Variants in SEMA6D observed in about 807,000 individuals in gnomAD.
SEMA6D encodes semaphorin 6D.
SEMA6D carries 35 observed loss-of-function variants against 106.6 expected under a neutral mutation model. The observed-to-expected ratio is 0.33, with a 90% confidence interval of 0.25 to 0.44. The LOEUF is 0.44. Ranked by LOEUF, SEMA6D falls within the 20% of genes least tolerant of loss-of-function variation. The pLI is 1.00. For missense variants in SEMA6D, 1,185 were observed against 1,345.9 expected (o/e 0.88, Z 1.87); for synonymous variants, 499 against 487.7 (o/e 1.02, Z -0.31).
intron 4 of SEMA6D, among the ~76,000 whole-genome samples, chr15:47,668,136 A>G (rs2078064725): frequency 1.3e-5 from 2 of 152,298 alleles, no homozygotes; most frequent in Non-Finnish European, 2.9e-5. Flanking sequence ...CTTTATCTCT[A>G]AGATTACTTA....
intron 4 of SEMA6D, among the ~76,000 whole-genome samples, chr15:47,645,012 A>G (rs968591527): frequency 6.6e-6 from 1 of 152,212 alleles, no homozygotes; most frequent in African/African-American, 2.4e-5. Context: ...AAGGGCACAC[A>G]CATCTGTTTC....
chr15:47,433,199 T>TC (rs1333320393), intron 2 of SEMA6D, among the ~76,000 whole-genome samples: 1 of 152,094 alleles, frequency 6.6e-6, no homozygotes, highest in Non-Finnish European at 1.5e-5. Flanking sequence ...ATGTTGTTAA[T>TC]TTCTGTTGCT....
At chr15:47,268,383 G>T (rs1453158358) in intron 1 of SEMA6D, among the ~76,000 whole-genome samples, 1 of 151,916 alleles carries the variant, frequency 6.6e-6, no homozygotes, top group Non-Finnish European at 1.5e-5. Flanking sequence ...TTTGTCATCT[G>T]TCCCTTCCAT....
At chr15:47,559,361 A>C (rs1038265024) in intron 3 of SEMA6D, among the ~76,000 whole-genome samples, 1 of 152,116 alleles carries the variant, frequency 6.6e-6, no homozygotes, top group African/African-American at 2.4e-5. Context: ...CAAATTAAGA[A>C]GCATTTATTC....
At chr15:47,278,485 T>C (rs2142430346) in intron 1 of SEMA6D, among the ~76,000 whole-genome samples, 1 of 152,282 alleles carries the variant, frequency 6.6e-6, no homozygotes, top group Middle Eastern at 3.4e-3. Context: ...GTAAATTTGT[T>C]TGAGTTATTT....
chr15:47,456,056 T>A (rs2042337003), intron 2 of SEMA6D, among the ~76,000 whole-genome samples: 1 of 152,022 alleles, frequency 6.6e-6, no homozygotes, highest in Non-Finnish European at 1.5e-5. Flanking sequence ...CCAAGCACAG[T>A]GGTAACTGCT....
At position 47,557,019 on chromosome 15, in the gene SEMA6D, TAAAAGA is replaced by T. The variant is rs140564755; in HGVS notation, c.-86-43845_-86-43840del. 4.7e-3 allele frequency among the ~76,000 whole-genome samples: 710 copies of T among 152,230 alleles called. 5 individuals carry two copies. Among genetic ancestry groups the T allele is most frequent in the African/African-American group, 0.016 (681 of 41,542 alleles). The stretch of plus-strand genomic sequence containing the variant: ...CCTACCTTAAACGACTTCTCATGAT[TAAAAGA>T]GACAATGTAGAGCATCTGATAGAGA... On this transcript the variant is annotated intron_variant, in intron 3 of 19. Coordinates refer to the SEMA6D transcript ENST00000558014.
intron 1 of SEMA6D, among the ~76,000 whole-genome samples, chr15:47,207,095 A>G (rs1386282741): frequency 1.3e-5 from 2 of 152,222 alleles, no homozygotes; most frequent in East Asian, 1.9e-4. Flanking sequence ...ATTAGGCAGC[A>G]GTGGAAGAGA....
intron 1 of SEMA6D, among the ~76,000 whole-genome samples, chr15:47,369,616 A>G (rs1047256227): frequency 7.9e-5 from 12 of 152,230 alleles, no homozygotes; most frequent in Non-Finnish European, 1.3e-4. Flanking sequence ...TTTACTGATC[A>G]TTGTAGTAAT....
intron 1 of SEMA6D, among the ~76,000 whole-genome samples, chr15:47,383,460 G>T (rs181751590): frequency 1.9e-3 from 286 of 152,288 alleles, no homozygotes; most frequent in African/African-American, 6.4e-3. Flanking sequence ...TTTGAAACCG[G>T]CCAGTGCTGG....
intron 3 of SEMA6D, chr15:47,525,061 T>C (rs2044707862): frequency 6.6e-6 from 1 of 152,246 alleles, no homozygotes; most frequent in Admixed American, 6.5e-5. Context: ...AGAGTGTCTG[T>C]TTCTCTGCCC....
chr15:47,489,471 C>T (rs957767763), intron 3 of SEMA6D, among the ~76,000 whole-genome samples: 2 of 152,146 alleles, frequency 1.3e-5, no homozygotes, highest in Admixed American at 1.3e-4. Flanking sequence ...TGTGTCAAAA[C>T]TATTCAAAAT....
At chr15:47,329,687 C>A (rs2037267430) in intron 1 of SEMA6D, among the ~76,000 whole-genome samples, 1 of 152,146 alleles carries the variant, frequency 6.6e-6, no homozygotes, top group African/African-American at 2.4e-5. Context: ...GGTCTTCAGA[C>A]CTGCCTCAGA....
intron 4 of SEMA6D, among the ~76,000 whole-genome samples, chr15:47,635,665 A>G (rs1018682249): frequency 2.0e-5 from 3 of 152,144 alleles, no homozygotes; most frequent in Non-Finnish European, 4.4e-5. Context: ...CCAGGTGTTT[A>G]GTAAGTATCA....
chr15:47,395,799 C>G (rs1012830666), intron 1 of SEMA6D: 1 of 152,182 alleles, frequency 6.6e-6, no homozygotes, highest in Non-Finnish European at 1.5e-5. Context: ...AGGGCAGGCA[C>G]AGTGTAAGGG....
intron 3 of SEMA6D, among the ~76,000 whole-genome samples, chr15:47,578,354 A>G (rs548578667): frequency 2.0e-5 from 3 of 152,342 alleles, no homozygotes; most frequent in South Asian, 2.1e-4. Flanking sequence ...TCAAATCCCT[A>G]TTTAGTGTCT....
At chr15:47,710,545 A>T (rs940158461) in intron 4 of SEMA6D, among the ~76,000 whole-genome samples, 6 of 152,224 alleles carry the variant, frequency 3.9e-5, no homozygotes, top group African/African-American at 1.4e-4. Context: ...AAAAGAATTC[A>T]TAACGCCTTA....
chr15:47,646,341 G>C lies in SEMA6D; in HGVS notation c.-55+45445G>C, dbSNP rs2077582432. Reference sequence around the variant, plus strand: ...ATATATAGATTTCACTATATCACAAGTGTGTGCCAGGCAGCCTGAAGGATG... The same window carrying C: ...ATATATAGATTTCACTATATCACAACTGTGTGCCAGGCAGCCTGAAGGATG... On this transcript the variant is annotated intron_variant, in intron 4 of 19. Coordinates refer to the SEMA6D transcript ENST00000558014. 2.6e-5 allele frequency among the ~76,000 whole-genome samples: 4 copies of C among 152,328 alleles called. No homozygotes were observed. The South Asian group carries it at 8.3e-4, about 32-fold the overall frequency.
At chr15:47,695,537 C>T (rs566898422) in intron 4 of SEMA6D, among the ~76,000 whole-genome samples, 9 of 152,130 alleles carry the variant, frequency 5.9e-5, no homozygotes, top group African/African-American at 2.2e-4. Flanking sequence ...AACACATGCA[C>T]ACACACACAA....
Sources: gnomAD v4.1 joint callset for allele counts (sites outside exome capture counted in the v4.1 genomes callset) on GRCh38, gnomAD v4.1.1 for gene constraint, MANE v1.5 for transcripts, NCBI Gene and HGNC (gene_info 2026-07-23, HGNC 2026-07-21) for gene names.